The following ERP27 variants were observed in gnomAD, a reference collection of about 807,000 sequenced individuals.
ERP27 encodes the protein endoplasmic reticulum resident protein 27.
In ERP27, 23 loss-of-function variants were observed where a neutral mutation model predicts 27.7. The observed-to-expected ratio is 0.83, with a 90% CI of 0.60 to 1.18. ERP27 has a LOEUF of 1.18. ERP27 is among the 50% of genes most tolerant of loss of function. The probability of loss-of-function intolerance (pLI) is 0.00; values close to 1 mark genes in which losing one functional copy is unlikely to be tolerated. For synonymous variants in ERP27, 159 were observed against 118.3 expected (o/e 1.34, Z -2.23); for missense variants, 363 against 327.9 (o/e 1.11, Z -0.83).
chr12:14,927,288 T>C (rs1030437682), intron 3 of ERP27, among the ~76,000 whole-genome samples: 1 of 152,072 alleles, frequency 6.6e-6, no homozygotes, highest in African/African-American at 2.4e-5. Context: ...TATTTGCATA[T>C]GTGTAGGCGT....
intron 2 of ERP27, among the ~76,000 whole-genome samples, chr12:14,936,420 AT>A (rs1259511342): frequency 4.6e-5 from 7 of 152,186 alleles, no homozygotes; most frequent in African/African-American, 1.7e-4. Context: ...CGCTGGCATC[AT>A]TTTCCCTGCT....
intron 3 of ERP27, among the ~76,000 whole-genome samples, chr12:14,927,578 A>C (rs2120594039): frequency 6.6e-6 from 1 of 152,266 alleles, no homozygotes; most frequent in East Asian, 1.9e-4. Flanking sequence ...TGAGGATCTC[A>C]AAATGCAAAT....
chr12:14,936,448 C>T (rs1321639235), intron 2 of ERP27, among the ~76,000 whole-genome samples: 1 of 152,194 alleles, frequency 6.6e-6, no homozygotes, highest in Non-Finnish European at 1.5e-5. Flanking sequence ...GGACCTTTAT[C>T]CATAGCAGCT....
intron 2 of ERP27, among the ~76,000 whole-genome samples, chr12:14,937,658 A>G (rs3748295): frequency 0.33 from 50,830 of 152,114 alleles, 8,837 homozygotes; most frequent in Middle Eastern, 0.43. Flanking sequence ...GTGGGGTTCC[A>G]TGAAGGCATT....
chr12:14,920,056 G>C (rs1223433368), intron 4 of ERP27, among the ~76,000 whole-genome samples: 1 of 152,194 alleles, frequency 6.6e-6, no homozygotes. Flanking sequence ...AGAATAGAAG[G>C]TACAGCATTT....
chr12:14,933,919 C>A (rs1435962876), intron 3 of ERP27, among the ~76,000 whole-genome samples: 2 of 152,128 alleles, frequency 1.3e-5, no homozygotes, highest in Non-Finnish European at 2.9e-5. Context: ...CTTCTCTTGC[C>A]TTTTAACCTA....
intron 3 of ERP27, among the ~76,000 whole-genome samples, chr12:14,923,252 G>T (rs767104503): frequency 6.6e-6 from 1 of 152,050 alleles, no homozygotes; most frequent in Non-Finnish European, 1.5e-5. Context: ...CACCATTGGT[G>T]CTTCGGCCCT....
intron 3 of ERP27, among the ~76,000 whole-genome samples, chr12:14,923,489 A>ATCTG (rs1162557585): frequency 8.8e-6 from 1 of 113,492 alleles, no homozygotes; most frequent in Non-Finnish European, 1.9e-5. Context: ...TCTATCTATA[A>ATCTG]TCAATCTATC....
At position 14,914,571 on chromosome 12, in the gene ERP27, TGTGTGTGC is replaced by T. The variant is rs1411382291; in HGVS notation, c.*156_*163del. ...GGAAATGAAGCTCTGTGTGTGTGTG[TGTGTGTGC>T]GTGTGTGTGTGCACGCGTGCGTGCG... On this transcript the variant is annotated 3_prime_UTR_variant, in exon 7 of 7. Transcript: ENST00000266397. 48 of 543,320 alleles carry T rather than the reference TGTGTGTGC, an allele frequency of 8.8e-5. No homozygotes were observed. Among genetic ancestry groups the T allele is most frequent in the Non-Finnish European group, 1.2e-4 (39 of 319,480 alleles). The allele number at this position is 543,320 out of a possible 1,614,324, so 33.7% of individuals were successfully genotyped here. A position where few individuals can be genotyped will look rare whatever the true frequency, so the allele number is the denominator to read the frequency against.
intron 3 of ERP27, among the ~76,000 whole-genome samples, chr12:14,924,469 T>C (rs2445374): frequency 0.65 from 99,207 of 152,060 alleles, 32,590 homozygotes; most frequent in East Asian, 0.86. Context: ...TTTTCCATAA[T>C]GGCTATACTA....
At chr12:14,921,901 C>A (rs909591449) in intron 3 of ERP27, among the ~76,000 whole-genome samples, 7 of 152,056 alleles carry the variant, frequency 4.6e-5, no homozygotes, top group Admixed American at 3.3e-4. Context: ...AGTTTTACCT[C>A]ATTTTTCACA....
At chr12:14,936,474 G>C (rs897610298) in intron 2 of ERP27, among the ~76,000 whole-genome samples, 6 of 152,234 alleles carry the variant, frequency 3.9e-5, no homozygotes, top group Admixed American at 2.0e-4. Context: ...AAATTAACAG[G>C]AACAAACATG....
At chr12:14,923,492 A>AGTCAATCT (rs1555098900) in intron 3 of ERP27, among the ~76,000 whole-genome samples, 1 of 141,160 alleles carries the variant, frequency 7.1e-6, no homozygotes, top group Admixed American at 7.0e-5. Context: ...ATCTATAATC[A>AGTCAATCT]ATCTATCTAT....
At position 14,921,061 on chromosome 12, in the gene ERP27, A is replaced by G. The variant is rs773250478; in HGVS notation, c.334-13T>C. On this transcript the variant is annotated splice_polypyrimidine_tract_variant and intron_variant, in intron 3 of 6. Transcript: ENST00000266397. ...GTTCATTGTCTACCTGGATAACACA[A>G]AAAAGAATGAAGTCACTATTCCATC... 1.0e-5 allele frequency: 16 copies of G among 1,599,166 alleles called. No individual in the cohort carries two copies. In the South Asian group the frequency reaches 1.8e-4, roughly 18 times the overall value.
intron 2 of ERP27, among the ~76,000 whole-genome samples, chr12:14,937,228 A>G (rs1863786043): frequency 6.6e-6 from 1 of 152,184 alleles, no homozygotes; most frequent in Non-Finnish European, 1.5e-5. Context: ...CTGACAGGGT[A>G]ATCAGGAGTT....
At chr12:14,917,986 C>G (rs908954924) in intron 4 of ERP27, among the ~76,000 whole-genome samples, 2 of 152,170 alleles carry the variant, frequency 1.3e-5, no homozygotes, top group African/African-American at 4.8e-5. Context: ...TATTTCAGCC[C>G]CCTCTCTTGT....
chr12:14,920,606 G>A (rs576897365), intron 4 of ERP27, among the ~76,000 whole-genome samples: 5 of 152,216 alleles, frequency 3.3e-5, no homozygotes, highest in South Asian at 4.2e-4. Flanking sequence ...TCCTGGACAC[G>A]AGTGATCCTC....
chr12:14,916,554 T>G (rs1049701848), intron 5 of ERP27, among the ~76,000 whole-genome samples: 2 of 152,250 alleles, frequency 1.3e-5, no homozygotes, highest in East Asian at 3.8e-4. Flanking sequence ...AAATCTTCTT[T>G]ATAATATTCT....
At chr12:14,922,449 T>A (rs1863519289) in intron 3 of ERP27, among the ~76,000 whole-genome samples, 1 of 145,146 alleles carries the variant, frequency 6.9e-6, no homozygotes, top group Non-Finnish European at 1.5e-5. Flanking sequence ...TGTTTATTCA[T>A]GTTGCTTGCC....
Sources: allele counts gnomAD v4.1 joint callset (sites outside exome capture counted in the v4.1 genomes callset), GRCh38; gene constraint gnomAD v4.1.1; transcripts MANE v1.5; gene names NCBI Gene and HGNC (gene_info 2026-07-23, HGNC 2026-07-21).